Variants in SYT2 observed in about 807,000 individuals in gnomAD.
SYT2 encodes the protein synaptotagmin-2.
Under a neutral mutation model 39.9 loss-of-function variants are expected in SYT2, and 15 were observed. That is an observed-to-expected ratio of 0.38 (90% CI 0.25 to 0.58). The LOEUF (loss-of-function observed/expected upper bound fraction) is 0.58, where lower values mean the gene tolerates loss of function less well. Among genes scored for constraint, SYT2 ranks in the 20% least tolerant of loss-of-function variants. The pLI is 0.70. For missense variants in SYT2, 389 were observed against 530.3 expected, an observed-to-expected ratio of 0.73 and a Z score of 2.62; for synonymous variants, 181 against 204.5, an observed-to-expected ratio of 0.89 and a Z score of 0.98.
At position 202,602,390 on chromosome 1, in the gene SYT2, G is replaced by A. The variant is rs200249203; in HGVS notation, c.621C>T (p.Thr207=). Residue 207 remains threonine, a synonymous_variant, in exon 5 of 9, where the codon ACC becomes ACT. Coordinates refer to ENST00000367268, the MANE Select transcript of SYT2 (RefSeq NM_177402.5). ...RKTLNPAFNE[T]FTFKVPYQEL... ...CAGCCCTCAGCACCTTGAAGGTGAA[G>A]GTTTCATTGAAGGCAGGGTTCAGTG... 5.6e-6 allele frequency: 9 copies of A among 1,613,986 alleles called. No individual in the cohort carries two copies. The African/African-American group carries it at 1.1e-4, about 19-fold the overall frequency.
At chr1:202,644,098 C>T (rs1692019687) in intron 1 of SYT2, among the ~76,000 whole-genome samples, 1 of 152,176 alleles carries the variant, frequency 6.6e-6, no homozygotes, top group Admixed American at 6.5e-5. Context: ...GGAGTTCGCC[C>T]CGAGGGCTCC....
intron 8 of SYT2, among the ~76,000 whole-genome samples, chr1:202,597,951 C>T (rs1176528295): frequency 6.6e-6 from 1 of 152,160 alleles, no homozygotes; most frequent in Non-Finnish European, 1.5e-5. Context: ...CAGATTTGTC[C>T]TTCAGGACCA....
intron 1 of SYT2, among the ~76,000 whole-genome samples, chr1:202,648,786 T>C (rs1030660452): frequency 7.9e-5 from 12 of 152,176 alleles, no homozygotes; most frequent in Non-Finnish European, 1.2e-4. Context: ...GTAGGGGTTA[T>C]TGCCAAAAAG....
At chr1:202,657,079 G>A (rs1692290783) in intron 1 of SYT2, among the ~76,000 whole-genome samples, 1 of 152,154 alleles carries the variant, frequency 6.6e-6, no homozygotes, top group South Asian at 2.1e-4. Flanking sequence ...GCTCATTTTT[G>A]TGTATGTCCT....
At chr1:202,603,702 C>T (rs1157229772) in intron 3 of SYT2, among the ~76,000 whole-genome samples, 1 of 152,196 alleles carries the variant, frequency 6.6e-6, no homozygotes, top group African/African-American at 2.4e-5. Flanking sequence ...AACACACTCT[C>T]ACACTCACAC....
intron 1 of SYT2, among the ~76,000 whole-genome samples, chr1:202,613,100 A>G (rs1572624179): frequency 8.6e-6 from 1 of 115,612 alleles, no homozygotes; most frequent in South Asian, 2.7e-4. Context: ...TTTTTTTTCC[A>G]GACAGAGTCT....
intron 1 of SYT2, among the ~76,000 whole-genome samples, chr1:202,693,983 G>A (rs1653910979): frequency 6.6e-6 from 1 of 152,174 alleles, no homozygotes. Flanking sequence ...TCGGGGGGTG[G>A]TGCCACACAC....
intron 1 of SYT2, among the ~76,000 whole-genome samples, chr1:202,689,165 C>T (rs1653755517): frequency 1.3e-5 from 2 of 152,306 alleles, no homozygotes; most frequent in East Asian, 1.9e-4. Flanking sequence ...GCTGGTGTGG[C>T]TGGACCACTC....
intron 1 of SYT2, among the ~76,000 whole-genome samples, chr1:202,635,795 G>T (rs541208615): frequency 1.3e-5 from 2 of 152,198 alleles, no homozygotes; most frequent in Non-Finnish European, 2.9e-5. Context: ...GCCAAACCAT[G>T]AGGCCCTAAC....
At chr1:202,624,376 T>C (rs1691290253) in intron 1 of SYT2, among the ~76,000 whole-genome samples, 1 of 151,408 alleles carries the variant, frequency 6.6e-6, no homozygotes, top group Non-Finnish European at 1.5e-5. Flanking sequence ...GGTAGTGGCA[T>C]ATGTGTGGTG....
At chr1:202,633,876 G>A (rs745504407) in intron 1 of SYT2, among the ~76,000 whole-genome samples, 1 of 152,196 alleles carries the variant, frequency 6.6e-6, no homozygotes, top group African/African-American at 2.4e-5. Flanking sequence ...GTCAGACAGC[G>A]AAATGCAAGG....
intron 1 of SYT2, among the ~76,000 whole-genome samples, chr1:202,663,013 A>G (rs1460975589): frequency 6.6e-6 from 1 of 152,232 alleles, no homozygotes; most frequent in Non-Finnish European, 1.5e-5. Flanking sequence ...TATGCTTAGC[A>G]ATGTGAACTG....
At chr1:202,640,734 CAGAGAGAGAGAGAGAGAGAGAG>C (rs56979202) in intron 1 of SYT2, among the ~76,000 whole-genome samples, 1,875 of 90,756 alleles carry the variant, frequency 0.021, 27 homozygotes, top group African/African-American at 0.037. Context: ...TCCTAATGGT[CAGAGAGAGAGAGAGAGAGAGAG>C]AGAGAGAGAG....
intron 1 of SYT2, among the ~76,000 whole-genome samples, chr1:202,696,055 A>G (rs1653965637): frequency 6.6e-6 from 1 of 152,176 alleles, no homozygotes; most frequent in African/African-American, 2.4e-5. Context: ...GAAACGTCTA[A>G]TGTTTTTCTG....
rs114711668 is a variant in SYT2 at position 202,647,469 on chromosome 1, G to A, written c.-17-41680C>T. 5.0e-3 allele frequency among the ~76,000 whole-genome samples: 763 copies of A among 151,472 alleles called. 6 individuals carry two copies. The highest frequency in any genetic ancestry group is 0.018 in the African/African-American group (735 of 41,210). ...GCTTGGGAGGCTTCCCCCCCCAACCGTACTCCATGAGCACCCCCAACAGCT... is the reference window on the plus strand; with the variant it reads ...GCTTGGGAGGCTTCCCCCCCCAACCATACTCCATGAGCACCCCCAACAGCT... On this transcript the variant is annotated intron_variant, in intron 1 of 8. Coordinates refer to ENST00000367268, the MANE Select transcript of SYT2 (RefSeq NM_177402.5).
At chr1:202,696,616 T>C (rs1311066993) in intron 1 of SYT2, among the ~76,000 whole-genome samples, 2 of 152,190 alleles carry the variant, frequency 1.3e-5, no homozygotes, top group South Asian at 2.1e-4. Context: ...TCCACGAATG[T>C]GTTCCTTGGA....
chr1:202,666,144 C>T (rs1692478436), intron 1 of SYT2, among the ~76,000 whole-genome samples: 1 of 124,888 alleles, frequency 8.0e-6, no homozygotes, highest in Non-Finnish European at 1.7e-5. Flanking sequence ...CAGAGCGAGA[C>T]TCCGTCTCAA....
chr1:202,618,569 G>A lies in SYT2; in HGVS notation c.-17-12780C>T, dbSNP rs376231485. 3.5e-4 allele frequency among the ~76,000 whole-genome samples: 54 copies of A among 152,252 alleles called. 1 individual carries two copies. Among genetic ancestry groups the A allele is most frequent in the African/African-American group, 1.1e-3 (47 of 41,558 alleles). On this transcript the variant is annotated intron_variant, in intron 1 of 8. Coordinates refer to ENST00000367268, the MANE Select transcript of SYT2 (RefSeq NM_177402.5). ...ACCCCCTTATGAGTCATTTCACCTC[G>A]GGTGGTTTCTTTCACCTCTCTGAGT...
intron 1 of SYT2, chr1:202,627,432 G>T: frequency 4.1e-6 from 4 of 985,392 alleles, no homozygotes; most frequent in Non-Finnish European, 3.6e-6. Flanking sequence ...AAGGAGAGAA[G>T]AGAAACCCCA....
Sources: allele counts gnomAD v4.1 joint callset (sites outside exome capture counted in the v4.1 genomes callset), GRCh38; gene constraint gnomAD v4.1.1; transcripts MANE v1.5; gene names NCBI Gene and HGNC (gene_info 2026-07-23, HGNC 2026-07-21).